Variants in CADM2 observed in about 807,000 individuals in gnomAD.
The protein encoded by CADM2 is cell adhesion molecule 2, also known as immunoglobulin superfamily member 4D.
Under a neutral mutation model 49.8 loss-of-function variants are expected in CADM2, and 12 were observed. That is an observed-to-expected ratio of 0.24 (90% CI 0.15 to 0.39). CADM2 has a LOEUF of 0.39. Ranked by LOEUF, CADM2 falls within the 10% of genes least tolerant of loss-of-function variation. The pLI is 1.00. For synonymous variants in CADM2, 214 were observed against 175.4 expected (o/e 1.22, Z -1.74); for missense variants, 378 against 492.3 (o/e 0.77, Z 2.20).
intron 1 of CADM2, among the ~76,000 whole-genome samples, chr3:85,568,473 C>CTCTCTCTCTCTTTCTTTCTTTCTT: frequency 3.6e-5 from 1 of 27,618 alleles, no homozygotes; most frequent in African/African-American, 7.7e-5. Flanking sequence ...CTCTTTCTCT[C>CTCTCTCTCTCTTTCTTTCTTTCTT]TCTTTCTTTC....
At chr3:85,556,091 A>G (rs996455211) in intron 1 of CADM2, among the ~76,000 whole-genome samples, 1 of 152,182 alleles carries the variant, frequency 6.6e-6, no homozygotes, top group Non-Finnish European at 1.5e-5. Flanking sequence ...TTAACTACTG[A>G]TAGCCTACTG....
intron 1 of CADM2, among the ~76,000 whole-genome samples, chr3:85,533,655 A>T (rs2106974930): frequency 6.6e-6 from 1 of 152,254 alleles, no homozygotes; most frequent in African/African-American, 2.4e-5. Context: ...AATAAGTAAA[A>T]CCCTGTGAAT....
intron 1 of CADM2, among the ~76,000 whole-genome samples, chr3:85,390,464 T>A (rs12633910): frequency 0.017 from 2,538 of 152,180 alleles, 173 homozygotes; most frequent in East Asian, 0.11. Context: ...CAAAACTTTC[T>A]CTGAACTCTG....
intron 1 of CADM2, among the ~76,000 whole-genome samples, chr3:85,680,552 A>G (rs1436855512): frequency 6.6e-6 from 1 of 152,172 alleles, no homozygotes; most frequent in Non-Finnish European, 1.5e-5. Context: ...TCCATAAGTG[A>G]TTATTGAATG....
intron 1 of CADM2, among the ~76,000 whole-genome samples, chr3:85,577,732 C>G (rs896596862): frequency 5.9e-5 from 9 of 151,958 alleles, no homozygotes; most frequent in Non-Finnish European, 8.8e-5. Flanking sequence ...TTAAATTTAG[C>G]ATTGTAATCT....
At chr3:85,559,103 T>C (rs929980028) in intron 1 of CADM2, among the ~76,000 whole-genome samples, 2 of 152,102 alleles carry the variant, frequency 1.3e-5, no homozygotes, top group African/African-American at 4.8e-5. Context: ...GAGGCTCTTT[T>C]CTAAGTATTT....
chr3:85,159,254 TA>T (rs761875983), intron 1 of CADM2, among the ~76,000 whole-genome samples: 3 of 152,192 alleles, frequency 2.0e-5, no homozygotes, highest in Non-Finnish European at 4.4e-5. Context: ...AGTAACATAC[TA>T]ATACATCAAA....
rs2069919909 is a variant in CADM2, at chr3:85,769,502, TGTATATATACACGTATATACATATA to T, written c.89-32544_89-32520del. 5.2e-5 allele frequency among the ~76,000 whole-genome samples: 2 copies of T among 38,440 alleles called. 1 individual carries two copies. The highest frequency in any genetic ancestry group is 9.5e-5 in the Non-Finnish European group (2 of 21,094). The allele number at this position is 38,440 out of a possible 152,430, so 25.2% of individuals were successfully genotyped here. On this transcript the variant is annotated intron_variant, in intron 2 of 9. Transcript: ENST00000383699. Reference sequence around the variant, plus strand: ...ACACGTATATACATATATACATATATGTATATATACACGTATATACATATATGTATATATACACGTATATACATAT... The same window carrying T: ...ACACGTATATACATATATACATATATTGTATATATACACGTATATACATAT...
chr3:86,022,961 T>C (rs1733383804), intron 8 of CADM2, among the ~76,000 whole-genome samples: 1 of 152,162 alleles, frequency 6.6e-6, no homozygotes, highest in Admixed American at 6.5e-5. Flanking sequence ...TCTTTTCATA[T>C]ACCTGCCCAC....
chr3:85,197,067 A>G (rs1408545806), intron 1 of CADM2, among the ~76,000 whole-genome samples: 1 of 152,016 alleles, frequency 6.6e-6, no homozygotes, highest in Admixed American at 6.6e-5. Context: ...TACCACTTAC[A>G]GAAACCTTTA....
At chr3:85,864,407 TC>T (rs994615667) in intron 3 of CADM2, among the ~76,000 whole-genome samples, 2 of 152,228 alleles carry the variant, frequency 1.3e-5, no homozygotes, top group Admixed American at 1.3e-4. Context: ...CCTGTAACTT[TC>T]CCTTCTTAAG....
At chr3:85,097,395 A>G (rs1575855714) in intron 1 of CADM2, among the ~76,000 whole-genome samples, 1 of 152,260 alleles carries the variant, frequency 6.6e-6, no homozygotes, top group Non-Finnish European at 1.5e-5. Context: ...AATCCAGTCT[A>G]TCATTGTTGG....
intron 1 of CADM2, among the ~76,000 whole-genome samples, chr3:85,707,623 T>G (rs1179054593): frequency 2.6e-5 from 4 of 152,076 alleles, no homozygotes; most frequent in South Asian, 2.1e-4. Flanking sequence ...TGAATTTAAG[T>G]AGTGATGTAA....
intron 1 of CADM2, among the ~76,000 whole-genome samples, chr3:85,042,140 C>A (rs2035466736): frequency 6.6e-6 from 1 of 152,050 alleles, no homozygotes; most frequent in Admixed American, 6.6e-5. Flanking sequence ...TCTTGCGTAC[C>A]CACTCTCATC....
chr3:85,644,548 T>C (rs2064828827), intron 1 of CADM2, among the ~76,000 whole-genome samples: 1 of 152,116 alleles, frequency 6.6e-6, no homozygotes, highest in Non-Finnish European at 1.5e-5. Context: ...GCCCAGTAGC[T>C]GCAGGGCAGT....
chr3:85,812,372 A>G (rs1033200401), intron 3 of CADM2, among the ~76,000 whole-genome samples: 6 of 152,034 alleles, frequency 3.9e-5, no homozygotes, highest in Non-Finnish European at 7.4e-5. Context: ...TAACTGAACT[A>G]TGTACCATTT....
At chr3:86,057,016 G>A (rs1423745182) in intron 8 of CADM2, among the ~76,000 whole-genome samples, 1 of 152,120 alleles carries the variant, frequency 6.6e-6, no homozygotes, top group Non-Finnish European at 1.5e-5. Flanking sequence ...CACATATTAC[G>A]TATAGTTAAA....
chr3:85,910,606 T>C (rs1277119280), intron 5 of CADM2, among the ~76,000 whole-genome samples: 1 of 152,086 alleles, frequency 6.6e-6, no homozygotes, highest in African/African-American at 2.4e-5. Context: ...ATTCTGCGTA[T>C]AATTTTGTAT....
chr3:85,805,663 T>C (rs1200594957), intron 3 of CADM2: 2 of 152,224 alleles, frequency 1.3e-5, no homozygotes, highest in Non-Finnish European at 2.9e-5. Flanking sequence ...CATCTTTTAA[T>C]CTGCAATTAC....
Sources: gnomAD v4.1 joint callset for allele counts (sites outside exome capture counted in the v4.1 genomes callset) on GRCh38, gnomAD v4.1.1 for gene constraint, MANE v1.5 for transcripts, NCBI Gene and HGNC (gene_info 2026-07-23, HGNC 2026-07-21) for gene names.